SH3D19: variants seen among roughly 807,000 people sequenced by gnomAD.
The protein encoded by SH3D19 is SH3 domain-containing protein 19.
Under a neutral mutation model 112.1 loss-of-function variants are expected in SH3D19, and 58 were observed. That is an observed-to-expected ratio of 0.52 (90% CI 0.42 to 0.64). The LOEUF (loss-of-function observed/expected upper bound fraction) is 0.64, where lower values mean the gene tolerates loss of function less well. Ranked by LOEUF, SH3D19 falls within the 30% of genes least tolerant of loss-of-function variation. The probability of loss-of-function intolerance (pLI) is 0.00; values close to 1 mark genes in which losing one functional copy is unlikely to be tolerated. For synonymous variants in SH3D19, 391 were observed against 448.5 expected, an observed-to-expected ratio of 0.87 and a Z score of 1.62; for missense variants, 1,090 against 1,263.4, an observed-to-expected ratio of 0.86 and a Z score of 2.08.
intron 2 of SH3D19, among the ~76,000 whole-genome samples, chr4:151,218,703 T>A (rs1194651923): frequency 6.6e-6 from 1 of 152,126 alleles, no homozygotes; most frequent in Non-Finnish European, 1.5e-5. Context: ...CATTTGATAA[T>A]CAATACCCTA....
intron 14 of SH3D19, among the ~76,000 whole-genome samples, chr4:151,136,598 T>C (rs1004136673): frequency 6.6e-6 from 1 of 152,362 alleles, no homozygotes; most frequent in Middle Eastern, 3.4e-3. Flanking sequence ...TTTAAAGTTT[T>C]GAAGTTTTAA....
chr4:151,286,193 A>G (rs1439317201), intron 1 of SH3D19, among the ~76,000 whole-genome samples: 2 of 149,764 alleles, frequency 1.3e-5, no homozygotes, highest in East Asian at 1.9e-4. Context: ...AGAAAAAAAA[A>G]AAAAAAAAAA....
intron 14 of SH3D19, 106 bp from the exon 15 acceptor site, chr4:151,135,238 A>G (rs1217557634): frequency 4.8e-6 from 4 of 826,896 alleles, no homozygotes; most frequent in Non-Finnish European, 7.6e-6. Context: ...CGATCGGTTT[A>G]GCTAGGTGTT....
chr4:151,190,824 G>T (rs535835293), intron 2 of SH3D19, among the ~76,000 whole-genome samples: 1 of 152,186 alleles, frequency 6.6e-6, no homozygotes, highest in East Asian at 1.9e-4. Flanking sequence ...CTGGGGCATC[G>T]CCTAGTGGAG....
intron 19 of SH3D19, among the ~76,000 whole-genome samples, chr4:151,125,681 G>A (rs565317372): frequency 3.3e-5 from 5 of 151,180 alleles, no homozygotes; most frequent in South Asian, 2.1e-4. Context: ...GTGAAACCCC[G>A]TCTCTGCTAA....
intron 1 of SH3D19, among the ~76,000 whole-genome samples, chr4:151,298,703 A>G (rs1312118325): frequency 6.6e-6 from 1 of 152,218 alleles, no homozygotes; most frequent in Non-Finnish European, 1.5e-5. Context: ...TGCATCCAAG[A>G]AAGCACTCAT....
chr4:151,122,337 G>A (rs974165891), intron 19 of SH3D19, 130 bp from the exon 20 acceptor site: 1 of 608,024 alleles, frequency 1.6e-6, no homozygotes, highest in Non-Finnish European at 2.9e-6. Flanking sequence ...AGAATTAAAT[G>A]ACAACAATGA....
intron 1 of SH3D19, among the ~76,000 whole-genome samples, chr4:151,273,583 C>A (rs1328781574): frequency 7.0e-5 from 6 of 85,488 alleles, no homozygotes. Flanking sequence ...GAGCGAGACT[C>A]CATCTCAAAA....
chr4:151,312,001 A>C (rs530524153), intron 1 of SH3D19, among the ~76,000 whole-genome samples: 120 of 152,282 alleles, frequency 7.9e-4, no homozygotes, highest in Non-Finnish European at 1.4e-3. Context: ...ATAATGTATT[A>C]TATTTGAAAT....
chr4:151,147,898 A>C, intron 11 of SH3D19, 24 bp downstream of exon 11: 1 of 1,574,072 alleles, frequency 6.4e-7, no homozygotes, highest in Non-Finnish European at 8.6e-7. Flanking sequence ...CTTGACCACA[A>C]ACATTTTTAA....
chr4:151,323,433 G>A lies in SH3D19; in HGVS notation c.112+1808C>T, dbSNP rs143800127. On this transcript the variant is annotated intron_variant, in intron 1 of 19. Transcript: ENST00000604030. Reference sequence around the variant, plus strand: ...CTAACAAATGCCCAAGCTTGGTAAGGAATGTGTTAGTGTCTGAAAAACATG... The same window carrying A: ...CTAACAAATGCCCAAGCTTGGTAAGAAATGTGTTAGTGTCTGAAAAACATG... Among the ~76,000 whole-genome samples the A allele has an allele frequency of 2.6e-4, 39 of 152,306 alleles. No homozygotes were observed. The East Asian group carries it at 4.4e-3, about 17-fold the overall frequency.
intron 1 of SH3D19, among the ~76,000 whole-genome samples, chr4:151,241,461 G>A (rs1003938670): frequency 1.4e-4 from 21 of 151,822 alleles, no homozygotes; most frequent in South Asian, 6.2e-4. Context: ...AGGCTAAAAC[G>A]TTCGGGTTTC....
intron 2 of SH3D19, among the ~76,000 whole-genome samples, chr4:151,209,028 C>A (rs1423135148): frequency 6.6e-6 from 1 of 152,078 alleles, no homozygotes; most frequent in Non-Finnish European, 1.5e-5. Flanking sequence ...TCTGGTTGAA[C>A]CCTGACTGAT....
chr4:151,254,371 G>A (rs907863727), intron 1 of SH3D19, among the ~76,000 whole-genome samples: 33 of 149,518 alleles, frequency 2.2e-4, no homozygotes, highest in Non-Finnish European at 2.7e-4. Flanking sequence ...TCTCACAGAG[G>A]GGGATTTGGC....
At position 151,263,467 on chromosome 4, in the gene SH3D19, A is replaced by T. The variant is rs555705349; in HGVS notation, c.113-37381T>A. Among the ~76,000 whole-genome samples, 10 of 152,354 alleles carry T rather than the reference A, an allele frequency of 6.6e-5. No homozygotes were observed. The East Asian group carries it at 1.9e-3, about 29-fold the overall frequency. The stretch of plus-strand genomic sequence containing the variant: ...GAGGAGCCCCGGCAGTATATTAGTT[A>T]TCTATTGCAGTACAACAAATAACCC... On this transcript the variant is annotated intron_variant, in intron 1 of 19. Coordinates refer to ENST00000604030, the MANE Select transcript of SH3D19 (RefSeq NM_001378122.1).
chr4:151,209,658 A>T (rs557437485), intron 2 of SH3D19, among the ~76,000 whole-genome samples: 1 of 152,202 alleles, frequency 6.6e-6, no homozygotes, highest in South Asian at 2.1e-4. Flanking sequence ...GAGTATTTTT[A>T]AAATTCACTT....
intron 1 of SH3D19, among the ~76,000 whole-genome samples, chr4:151,251,246 T>A (rs1771368524): frequency 6.6e-6 from 1 of 150,646 alleles, no homozygotes; most frequent in Admixed American, 6.7e-5. Flanking sequence ...TCACCCAGGC[T>A]GGAGTACAAT....
At chr4:151,231,277 A>G (rs1171274715) in intron 1 of SH3D19, among the ~76,000 whole-genome samples, 1 of 152,198 alleles carries the variant, frequency 6.6e-6, no homozygotes, top group Non-Finnish European at 1.5e-5. Flanking sequence ...TACTTATCAG[A>G]TATCAGAATT....
At chr4:151,200,261 C>T (rs1183574833) in intron 2 of SH3D19, among the ~76,000 whole-genome samples, 2 of 152,118 alleles carry the variant, frequency 1.3e-5, no homozygotes, top group Non-Finnish European at 2.9e-5. Context: ...CACATACACA[C>T]ACACCCCACA....
Sources: gnomAD v4.1 joint callset for allele counts (sites outside exome capture counted in the v4.1 genomes callset) on GRCh38, gnomAD v4.1.1 for gene constraint, MANE v1.5 for transcripts, NCBI Gene and HGNC (gene_info 2026-07-23, HGNC 2026-07-21) for gene names.